TMEM128: variants seen among roughly 807,000 people sequenced by gnomAD.
TMEM128 encodes transmembrane protein 128.
In TMEM128, 16 loss-of-function variants were observed where a neutral mutation model predicts 19.7. That is an observed-to-expected ratio of 0.81 (90% CI 0.55 to 1.23). The LOEUF is 1.23. Ranked by LOEUF, TMEM128 falls within the 50% of genes most tolerant of loss-of-function variation. The probability of loss-of-function intolerance (pLI) is 0.00; values close to 1 mark genes in which losing one functional copy is unlikely to be tolerated. For missense variants in TMEM128, 237 were observed against 200.8 expected, an observed-to-expected ratio of 1.18 and a Z score of -1.09; for synonymous variants, 98 against 75.8, an observed-to-expected ratio of 1.29 and a Z score of -1.52.
intron 1 of TMEM128, chr4:4,247,573 TCACAG>T: frequency 6.2e-7 from 1 of 1,613,210 alleles, no homozygotes; most frequent in Non-Finnish European, 8.5e-7. Context: ...TTCTATGCAT[TCACAG>T]GTGAACATAC....
At chr4:4,245,486 C>T (rs1397331042) in intron 2 of TMEM128, among the ~76,000 whole-genome samples, 1 of 152,160 alleles carries the variant, frequency 6.6e-6, no homozygotes, top group Non-Finnish European at 1.5e-5. Context: ...GCTCTTCCTC[C>T]CAGTACTCTT....
rs1220510887 is a variant in TMEM128, at chr4:4,240,285, T to C, written c.398+36A>G. On this transcript the variant is annotated intron_variant, in intron 3 of 4. Transcript: ENST00000382753. Reference sequence around the variant, plus strand: ...CTATCTGATCAAAAAAAAAATTTGTTGTTCATTCCTGTTAGTCATTTCAAA... The same window carrying C: ...CTATCTGATCAAAAAAAAAATTTGTCGTTCATTCCTGTTAGTCATTTCAAA... 4 of 1,600,950 alleles carry C rather than the reference T, an allele frequency of 2.5e-6. No homozygotes were observed. In the Admixed American group the frequency reaches 7.0e-5, roughly 28 times the overall value.
chr4:4,246,231 T>C lies in TMEM128; in HGVS notation c.210A>G (p.Lys70=), dbSNP rs1280170034. 2 of 1,609,254 alleles carry C rather than the reference T, an allele frequency of 1.2e-6. No individual in the cohort carries two copies. Among genetic ancestry groups the C allele is most frequent in the Non-Finnish European group, 1.7e-6 (2 of 1,178,608 alleles). The change falls in exon 2 of 5, where the codon AAA becomes AAG. Residue 70 remains lysine (K), a synonymous_variant. Coordinates refer to ENST00000382753, the MANE Select transcript of TMEM128 (RefSeq NM_001297551.2). ...IVVTYYVDFF[K]TLKENFHTSS... ...TAGTGTGGAAGTTTTCTTTAAGGGT[T>C]TTAAAGAAGTCAACATAATAGGTCA...
Position 4,246,285 on chromosome 4 carries a change from A to T in TMEM128, c.156T>A (p.Ser52=), listed in dbSNP as rs1311993698. Residue 52 remains serine (S), a synonymous_variant, in exon 2 of 5, where the codon TCT becomes TCA. Transcript: ENST00000382753. ...EKPLPRLNIH[S]GFWILASIVV... is the part of the protein sequence containing the mutation. ...CAATGGATGCCAAAATCCAGAATCC[A>T]GAATGGATATTAAGTCTTGGAAGAG... is the stretch of plus-strand genomic sequence containing the variant. 6.2e-7 allele frequency: 1 copy of T among 1,613,322 alleles called. No individual in the cohort carries two copies. The highest frequency in any genetic ancestry group is 8.5e-7 in the Non-Finnish European group (1 of 1,179,714).
intron 2 of TMEM128, among the ~76,000 whole-genome samples, chr4:4,242,101 C>A (rs1168600930): frequency 6.6e-6 from 1 of 152,074 alleles, no homozygotes; most frequent in Non-Finnish European, 1.5e-5. Context: ...GGGGTTTCAC[C>A]ATGTCCATAT....
At chr4:4,246,894 C>A (rs1718201456) in intron 1 of TMEM128, among the ~76,000 whole-genome samples, 1 of 151,960 alleles carries the variant, frequency 6.6e-6, no homozygotes, top group Non-Finnish European at 1.5e-5. Flanking sequence ...ATTACAGGCG[C>A]CTGCCACCAC....
At chr4:4,237,483 T>A (rs73082034) in intron 4 of TMEM128, among the ~76,000 whole-genome samples, 368 of 152,224 alleles carry the variant, frequency 2.4e-3, no homozygotes, top group African/African-American at 7.4e-3. Flanking sequence ...TACAAAAAAA[T>A]TTTTAAAAAT....
chr4:4,244,321 A>C (rs1718083711), intron 2 of TMEM128, among the ~76,000 whole-genome samples: 1 of 151,960 alleles, frequency 6.6e-6, no homozygotes, highest in Non-Finnish European at 1.5e-5. Flanking sequence ...ACAAAAAATA[A>C]ACCAAATTAG....
chr4:4,247,657 C>G, intron 1 of TMEM128: 1 of 1,614,186 alleles, frequency 6.2e-7, no homozygotes, highest in Non-Finnish European at 8.5e-7. Flanking sequence ...CTTTGAAAAT[C>G]ATCCCCATTG....
intron 2 of TMEM128, among the ~76,000 whole-genome samples, chr4:4,243,142 C>G (rs1322217082): frequency 6.6e-6 from 1 of 152,142 alleles, no homozygotes; most frequent in Middle Eastern, 3.2e-3. Context: ...TGCAGTGGCG[C>G]GATCTCGGCT....
intron 2 of TMEM128, among the ~76,000 whole-genome samples, chr4:4,241,560 T>C (rs1319347150): frequency 6.6e-6 from 1 of 152,234 alleles, no homozygotes; most frequent in East Asian, 1.9e-4. Flanking sequence ...CTACAACAGA[T>C]AAGTTACAAA....
chr4:4,241,653 T>C (rs1338801735), intron 2 of TMEM128, among the ~76,000 whole-genome samples: 1 of 152,034 alleles, frequency 6.6e-6, no homozygotes, highest in Non-Finnish European at 1.5e-5. Flanking sequence ...AGATTCGGAG[T>C]CATGAGAGGC....
chr4:4,247,507 C>T, intron 1 of TMEM128: 1 of 1,565,110 alleles, frequency 6.4e-7, no homozygotes, highest in Non-Finnish European at 8.8e-7. Flanking sequence ...TCCTTAACCT[C>T]AGATCTAATC....
intron 2 of TMEM128, among the ~76,000 whole-genome samples, chr4:4,244,779 C>G (rs1718100259): frequency 6.6e-6 from 1 of 152,138 alleles, no homozygotes; most frequent in African/African-American, 2.4e-5. Context: ...CTATGGGCAG[C>G]CGACTTGCAG....
At chr4:4,245,242 G>A (rs8180228) in intron 2 of TMEM128, among the ~76,000 whole-genome samples, 1 of 152,108 alleles carries the variant, frequency 6.6e-6, no homozygotes, top group Non-Finnish European at 1.5e-5. Flanking sequence ...AAGGACCCTA[G>A]GATATGATTC....
At chr4:4,246,437 G>C (rs896332820) in intron 1 of TMEM128, 94 bp from the exon 2 acceptor site, 4 of 1,278,186 alleles carry the variant, frequency 3.1e-6, no homozygotes, top group Admixed American at 4.7e-5. Flanking sequence ...CTAGAGCTAA[G>C]AAACAGTCTC....
chr4:4,247,387 C>G (rs764918525), intron 1 of TMEM128, among the ~76,000 whole-genome samples: 4 of 152,192 alleles, frequency 2.6e-5, no homozygotes, highest in Admixed American at 6.5e-5. Flanking sequence ...TATACATCAT[C>G]ATGCCTGGGC....
At chr4:4,245,646 G>A (rs1044729418) in intron 2 of TMEM128, among the ~76,000 whole-genome samples, 2 of 151,986 alleles carry the variant, frequency 1.3e-5, no homozygotes, top group Non-Finnish European at 2.9e-5. Flanking sequence ...TACTGTATGT[G>A]CCCAGAGCAC....
intron 3 of TMEM128, among the ~76,000 whole-genome samples, chr4:4,239,807 C>T (rs1462406253): frequency 6.6e-6 from 1 of 152,172 alleles, no homozygotes; most frequent in Non-Finnish European, 1.5e-5. Context: ...AGGAATACAC[C>T]CTGTACAAAT....
Sources: gnomAD v4.1 joint callset for allele counts (sites outside exome capture counted in the v4.1 genomes callset) on GRCh38, gnomAD v4.1.1 for gene constraint, MANE v1.5 for transcripts, NCBI Gene and HGNC (gene_info 2026-07-23, HGNC 2026-07-21) for gene names.